PFKFB4: variants seen among roughly 807,000 people sequenced by gnomAD.
The protein encoded by PFKFB4 is 6-phosphofructo-2-kinase/fructose-2,6-bisphosphatase 4.
Under a neutral mutation model 62.8 loss-of-function variants are expected in PFKFB4, and 42 were observed. The ratio of observed to expected loss-of-function variants is 0.67; its 90% CI spans 0.52 to 0.86. The LOEUF is 0.86. Among genes scored for constraint, PFKFB4 ranks in the 40% least tolerant of loss-of-function variants. The pLI is 0.00. For synonymous variants in PFKFB4, 204 were observed against 240.7 expected (o/e 0.85, Z 1.41); for missense variants, 475 against 627.2 (o/e 0.76, Z 2.59).
In PFKFB4 at chr3:48,519,556, G is replaced by A. The variant is rs927000432; in HGVS notation, c.*191C>T. On this transcript the variant is annotated 3_prime_UTR_variant, in exon 14 of 14. Coordinates refer to ENST00000232375, the MANE Select transcript of PFKFB4 (RefSeq NM_004567.4). ...CTCTTAGCAGCAGGTCAGGAGCCAC[G>A]CACAACCTTGTCGCCGACTGTCAAC... 5 of 582,202 alleles carry A rather than the reference G, an allele frequency of 8.6e-6. No individual in the cohort carries two copies. The highest frequency in any genetic ancestry group is 2.8e-5 in the East Asian group (1 of 35,386). 36.1% of individuals were successfully genotyped at this position (582,202 alleles called of 1,614,324 possible). A position where few individuals can be genotyped will look rare whatever the true frequency, so the allele number is the denominator to read the frequency against.
intron 9 of PFKFB4, among the ~76,000 whole-genome samples, chr3:48,531,392 G>A (rs1421348040): frequency 1.3e-5 from 2 of 151,934 alleles, no homozygotes; most frequent in East Asian, 3.9e-4. Context: ...AGCTACTCGG[G>A]AGGCTGAGGC....
At chr3:48,536,140 C>A (rs528096069) in intron 8 of PFKFB4, 116 bp downstream of exon 8, 1 of 847,732 alleles carries the variant, frequency 1.2e-6, no homozygotes. Flanking sequence ...TCATTCACCT[C>A]GACTGCACAT....
chr3:48,550,727 A>G (rs988594646), intron 1 of PFKFB4, among the ~76,000 whole-genome samples: 2 of 152,164 alleles, frequency 1.3e-5, no homozygotes, highest in Non-Finnish European at 2.9e-5. Flanking sequence ...TCTTTTCATC[A>G]TACAAAGCCC....
At chr3:48,557,179 G>A (rs1362540376), upstream of PFKFB4, among the ~76,000 whole-genome samples, 1 of 152,252 alleles carries the variant, frequency 6.6e-6, no homozygotes, top group Non-Finnish European at 1.5e-5. Flanking sequence ...CTCCGCCCTG[G>A]CGCTGCATCC....
intron 9 of PFKFB4, among the ~76,000 whole-genome samples, chr3:48,534,787 T>C (rs552789438): frequency 6.7e-6 from 1 of 149,742 alleles, no homozygotes; most frequent in African/African-American, 2.4e-5. Flanking sequence ...TTAGAAACAA[T>C]GCAACCCAGA....
rs776930637 is a variant in PFKFB4 at position 48,536,314 on chromosome 3, T to C, written c.782A>G (p.Glu261Gly). 6.2e-7 allele frequency: 1 copy of C among 1,614,144 alleles called. No homozygotes were observed. Among genetic ancestry groups the C allele is most frequent in the East Asian group, 2.2e-5 (1 of 44,878 alleles). ...GCCAATCCGGCCCTTGAGGTTGAGC[T>C]CGCTCTCCCCGTGCCGGCAGAGGTA... ...SIYLCRHGES[E>G]LNLKGRIGGD... The change falls in exon 8 of 14, where the codon GAG becomes GGG. Residue 261 changes from glutamate (E) to glycine (G), a missense_variant. By Grantham distance (98) the Glu-to-Gly change is moderately conservative (BLOSUM62 -2). Transcript: ENST00000232375.
rs751193814 is a variant in PFKFB4, at chr3:48,543,665, A to C, written c.312-19T>G. 1 of 1,605,074 alleles carries C rather than the reference A, an allele frequency of 6.2e-7. No individual in the cohort carries two copies. The highest frequency in any genetic ancestry group is 1.1e-5 in the South Asian group (1 of 89,070). ...ACACTGCCTTCAGGAGAGAAAACAC[A>C]GGGTCAGCCCAGCACCCGACCCTGG... On this transcript the variant is annotated intron_variant, in intron 3 of 13. Transcript: ENST00000232375.
chr3:48,535,484 TAGAC>T (rs1294686937), intron 9 of PFKFB4, 24 bp downstream of exon 9: 1 of 1,588,718 alleles, frequency 6.3e-7, no homozygotes, highest in East Asian at 2.2e-5. Context: ...ATCTGGGAGG[TAGAC>T]AGGGAGGGAG....
Position 48,536,417 on chromosome 3 carries a change from C to T in PFKFB4, c.679G>A (p.Val227Met), listed in dbSNP as rs1199750670. The change falls in exon 8 of 14, where the codon GTG becomes ATG. Residue 227 changes from valine (V) to methionine (M), a missense_variant. Transcript: ENST00000232375. ...KIMDVGQSYV[V>M]NRVADHIQSR... The stretch of plus-strand genomic sequence containing the variant: ...TGGATGTGGTCAGCCACACGGTTCA[C>T]CACGTAGCTCTGGCCCACATCCATG... 3 of 1,614,082 alleles carry T rather than the reference C, an allele frequency of 1.9e-6. No homozygotes were observed. The highest frequency in any genetic ancestry group is 1.7e-6 in the Non-Finnish European group (2 of 1,180,020).
chr3:48,523,490 T>C (rs756896945), intron 12 of PFKFB4, 47 bp downstream of exon 12: 4 of 1,555,132 alleles, frequency 2.6e-6, no homozygotes, highest in Non-Finnish European at 3.6e-6. Flanking sequence ...TGTGCAGAGA[T>C]CCAAGGTCAT....
At chr3:48,523,171 G>T (rs2042150226) in intron 12 of PFKFB4, among the ~76,000 whole-genome samples, 1 of 152,072 alleles carries the variant, frequency 6.6e-6, no homozygotes, top group South Asian at 2.1e-4. Context: ...GATCACCTAA[G>T]GTCAGGAGTT....
chr3:48,537,626 G>A (rs1298125812), intron 7 of PFKFB4, among the ~76,000 whole-genome samples: 1 of 150,640 alleles, frequency 6.6e-6, no homozygotes, highest in African/African-American at 2.5e-5. Flanking sequence ...CTGGGCTTAG[G>A]TGATTCTCCC....
At chr3:48,560,709 A>G (rs74681486), upstream of PFKFB4, among the ~76,000 whole-genome samples, 688 of 152,340 alleles carry the variant, frequency 4.5e-3, 6 homozygotes, top group African/African-American at 0.016. Flanking sequence ...ATGAGCCTCT[A>G]GACTTCCCCA....
intron 7 of PFKFB4, among the ~76,000 whole-genome samples, chr3:48,538,147 T>C (rs1051470879): frequency 1.3e-5 from 2 of 152,226 alleles, no homozygotes; most frequent in Admixed American, 6.5e-5. Context: ...AGTGAGTGCC[T>C]GCAACAGAGA....
At chr3:48,559,373 C>G (rs1300613637), upstream of PFKFB4, 5 of 380,330 alleles carry the variant, frequency 1.3e-5, no homozygotes, top group African/African-American at 1.0e-4. Flanking sequence ...AGGTGGGAAA[C>G]TGAGGGTCAG....
At chr3:48,536,142 A>C (rs1438622558) in intron 8 of PFKFB4, 114 bp downstream of exon 8, 2 of 858,126 alleles carry the variant, frequency 2.3e-6, no homozygotes, top group Non-Finnish European at 3.7e-6. Context: ...ATTCACCTCG[A>C]CTGCACATTA....
chr3:48,554,777 C>T (rs2043260707), intron 1 of PFKFB4, among the ~76,000 whole-genome samples: 1 of 152,172 alleles, frequency 6.6e-6, no homozygotes, highest in African/African-American at 2.4e-5. Context: ...CTTGGCTAGG[C>T]ATGGCAGCTC....
At chr3:48,551,043 T>G (rs765816535) in intron 1 of PFKFB4, among the ~76,000 whole-genome samples, 4 of 152,094 alleles carry the variant, frequency 2.6e-5, no homozygotes, top group African/African-American at 9.7e-5. Context: ...GTCCCTCTGA[T>G]AGCCCACCCA....
At chr3:48,536,595 G>A (rs577532687) in intron 7 of PFKFB4, 132 bp from the exon 8 acceptor site, 12 of 675,202 alleles carry the variant, frequency 1.8e-5, no homozygotes, top group Non-Finnish European at 3.1e-5. Flanking sequence ...CCTCAGGACC[G>A]TCAGCTGGTG....
Sources: allele counts gnomAD v4.1 joint callset (sites outside exome capture counted in the v4.1 genomes callset), GRCh38; gene constraint gnomAD v4.1.1; transcripts MANE v1.5; gene names NCBI Gene and HGNC (gene_info 2026-07-23, HGNC 2026-07-21).